Variants in KCTD16 observed in about 807,000 individuals in gnomAD.
KCTD16 encodes potassium channel tetramerization domain containing 16.
In KCTD16, 13 loss-of-function variants were observed where a neutral mutation model predicts 33.2. The observed-to-expected ratio is 0.39, with a 90% confidence interval of 0.25 to 0.62. The LOEUF is 0.62. Ranked by LOEUF, KCTD16 falls within the 20% of genes least tolerant of loss-of-function variation. KCTD16 has a pLI of 0.50. For synonymous variants in KCTD16, 197 were observed against 195.3 expected, an observed-to-expected ratio of 1.01 and a Z score of -0.07; for missense variants, 441 against 525.1, an observed-to-expected ratio of 0.84 and a Z score of 1.57.
intron 3 of KCTD16, among the ~76,000 whole-genome samples, chr5:144,261,978 T>C (rs1161970652): frequency 2.0e-5 from 3 of 152,220 alleles, no homozygotes; most frequent in Non-Finnish European, 2.9e-5. Flanking sequence ...AAATATTTAC[T>C]GAATACTTCA....
intron 3 of KCTD16, among the ~76,000 whole-genome samples, chr5:144,430,374 G>T (rs1157166384): frequency 6.6e-6 from 1 of 152,136 alleles, no homozygotes; most frequent in Non-Finnish European, 1.5e-5. Context: ...TTCAGGTGGT[G>T]TGAGGGAAGA....
rs1463557191 is a variant in KCTD16, at chr5:144,481,099, C to T, written c.*6985C>T. On this transcript the variant is annotated 3_prime_UTR_variant, in exon 4 of 4. Transcript: ENST00000512467. ...AGTTTAGGTGTCTTGTGTTCTTCTA[C>T]TTCAGTCTTTCTGCCTCAGAAAAAT... is the stretch of plus-strand genomic sequence containing the variant. 1 of 151,916 alleles carries T rather than the reference C, an allele frequency of 6.6e-6. No homozygotes were observed. The highest frequency in any genetic ancestry group is 1.5e-5 in the Non-Finnish European group (1 of 67,908). 9.4% of individuals were successfully genotyped at this position (151,916 alleles called of 1,614,324 possible). A position where few individuals can be genotyped will look rare whatever the true frequency, so the allele number is the denominator to read the frequency against.
At chr5:144,274,999 C>G (rs890055783) in intron 3 of KCTD16, among the ~76,000 whole-genome samples, 2 of 152,138 alleles carry the variant, frequency 1.3e-5, no homozygotes. Context: ...TATGTATTCA[C>G]ACTAAAAAAG....
At chr5:144,224,394 T>G (rs900987096) in intron 3 of KCTD16, among the ~76,000 whole-genome samples, 3 of 149,598 alleles carry the variant, frequency 2.0e-5, no homozygotes, top group African/African-American at 7.3e-5. Flanking sequence ...TTTTTTTTTT[T>G]TTTTTTTTTT....
At chr5:144,397,047 A>G (rs1290995774) in intron 3 of KCTD16, among the ~76,000 whole-genome samples, 1 of 149,626 alleles carries the variant, frequency 6.7e-6, no homozygotes, top group South Asian at 2.2e-4. Context: ...TACATTAGGT[A>G]TATCTCCTAA....
chr5:144,456,496 G>T (rs901959238), intron 3 of KCTD16, among the ~76,000 whole-genome samples: 1 of 152,112 alleles, frequency 6.6e-6, no homozygotes, highest in Non-Finnish European at 1.5e-5. Context: ...GGGGTCAGGG[G>T]TAGGGAGGAC....
chr5:144,373,700 A>G (rs570330174), intron 3 of KCTD16, among the ~76,000 whole-genome samples: 1 of 152,334 alleles, frequency 6.6e-6, no homozygotes, highest in South Asian at 2.1e-4. Context: ...GAAATCTTGT[A>G]TAAATATCAT....
At chr5:144,201,703 T>G (rs1484552727) in intron 2 of KCTD16, among the ~76,000 whole-genome samples, 1 of 152,178 alleles carries the variant, frequency 6.6e-6, no homozygotes, top group Non-Finnish European at 1.5e-5. Context: ...CAGGCAGAAC[T>G]GGAAGAGGGA....
At chr5:144,451,975 T>A (rs192130516) in intron 3 of KCTD16, among the ~76,000 whole-genome samples, 5 of 151,940 alleles carry the variant, frequency 3.3e-5, no homozygotes, top group Non-Finnish European at 7.4e-5. Flanking sequence ...AAACTGTATT[T>A]GTCACAGCAT....
chr5:144,275,632 TCAAAA>T (rs1755418596), intron 3 of KCTD16, among the ~76,000 whole-genome samples: 1 of 152,224 alleles, frequency 6.6e-6, no homozygotes, highest in Non-Finnish European at 1.5e-5. Flanking sequence ...CATGGGATTC[TCAAAA>T]CAAAATTAGT....
At chr5:144,362,263 A>C (rs1751730890) in intron 3 of KCTD16, among the ~76,000 whole-genome samples, 1 of 152,178 alleles carries the variant, frequency 6.6e-6, no homozygotes, top group Admixed American at 6.5e-5. Context: ...GGGTGTATGG[A>C]GCTGAATCCC....
At chr5:144,274,296 A>C (rs1475577963) in intron 3 of KCTD16, among the ~76,000 whole-genome samples, 1 of 151,922 alleles carries the variant, frequency 6.6e-6, no homozygotes, top group Non-Finnish European at 1.5e-5. Flanking sequence ...AGGTCTCTCT[A>C]AACTTAAGTG....
chr5:144,308,218 T>C (rs1751659716), intron 3 of KCTD16, among the ~76,000 whole-genome samples: 2 of 152,212 alleles, frequency 1.3e-5, no homozygotes, highest in Non-Finnish European at 2.9e-5. Flanking sequence ...ACCCTTTCTT[T>C]CTGTCATAGC....
At chr5:144,418,299 T>C (rs1007983112) in intron 3 of KCTD16, among the ~76,000 whole-genome samples, 1 of 152,190 alleles carries the variant, frequency 6.6e-6, no homozygotes. Context: ...GGGATTCTGG[T>C]GGCCTGCTTT....
At chr5:144,459,250 C>G (rs528397372) in intron 3 of KCTD16, among the ~76,000 whole-genome samples, 13 of 152,320 alleles carry the variant, frequency 8.5e-5, no homozygotes, top group African/African-American at 2.9e-4. Flanking sequence ...ATTCTCCATC[C>G]TCACTCCTAG....
At chr5:144,329,047 C>T (rs1488728011) in intron 3 of KCTD16, among the ~76,000 whole-genome samples, 1 of 152,104 alleles carries the variant, frequency 6.6e-6, no homozygotes, top group Non-Finnish European at 1.5e-5. Context: ...TTAAAGCCCT[C>T]TAGTGCTTTT....
At chr5:144,461,232 C>T (rs996881913) in intron 3 of KCTD16, among the ~76,000 whole-genome samples, 2 of 152,150 alleles carry the variant, frequency 1.3e-5, no homozygotes, top group African/African-American at 2.4e-5. Flanking sequence ...TATGGAATTA[C>T]AGGAAAAGCA....
intron 3 of KCTD16, among the ~76,000 whole-genome samples, chr5:144,339,641 A>G (rs1752578584): frequency 6.6e-6 from 1 of 152,216 alleles, no homozygotes; most frequent in Admixed American, 6.5e-5. Flanking sequence ...TAGTGCCTCA[A>G]GGAATTGAAT....
rs185137289 is a variant in KCTD16 at position 144,320,191 on chromosome 5, T to C, written c.832+112645T>C. Among the ~76,000 whole-genome samples, 16 of 152,336 alleles carry C rather than the reference T, an allele frequency of 1.1e-4. No homozygotes were observed. The East Asian group carries it at 3.1e-3, about 29-fold the overall frequency. ...AGAATACCAGTAGCTTCTAATTTCC[T>C]GCAATTATAATCTTTTAAAATTTAA... On this transcript the variant is annotated intron_variant, in intron 3 of 3. Coordinates refer to ENST00000512467, the MANE Select transcript of KCTD16 (RefSeq NM_020768.4).
Sources: allele counts gnomAD v4.1 joint callset (sites outside exome capture counted in the v4.1 genomes callset), GRCh38; gene constraint gnomAD v4.1.1; transcripts MANE v1.5; gene names NCBI Gene and HGNC (gene_info 2026-07-23, HGNC 2026-07-21).